Variants in TSHZ2 observed in about 807,000 individuals in gnomAD.
TSHZ2 encodes the protein teashirt zinc finger homeobox 2, also known as teashirt homolog 2.
TSHZ2 carries 21 observed loss-of-function variants against 74.4 expected under a neutral mutation model. That is an observed-to-expected ratio of 0.28 (90% CI 0.20 to 0.41). The LOEUF (loss-of-function observed/expected upper bound fraction) is 0.41, where lower values mean the gene tolerates loss of function less well. Among genes scored for constraint, TSHZ2 ranks in the 10% least tolerant of loss-of-function variants. TSHZ2 has a pLI of 1.00. For synonymous variants in TSHZ2, 540 were observed against 515.3 expected (o/e 1.05, Z -0.65); for missense variants, 1,244 against 1,293.5 (o/e 0.96, Z 0.59).
intron 2 of TSHZ2, among the ~76,000 whole-genome samples, chr20:53,296,302 A>G (rs1433594309): frequency 6.6e-6 from 1 of 152,208 alleles, no homozygotes; most frequent in East Asian, 1.9e-4. Flanking sequence ...AAAAGACCAG[A>G]TGTCAGTGTT....
chr20:53,446,555 G>A (rs1306227309), intron 2 of TSHZ2, among the ~76,000 whole-genome samples: 4 of 148,492 alleles, frequency 2.7e-5, no homozygotes, highest in Admixed American at 6.7e-5. Context: ...CTCCAGTCTG[G>A]GTGACAGAGC....
At chr20:53,175,064 G>T (rs1988296102) in intron 1 of TSHZ2, among the ~76,000 whole-genome samples, 1 of 150,566 alleles carries the variant, frequency 6.6e-6, no homozygotes, top group Admixed American at 6.6e-5. Context: ...GGCAGCAAGA[G>T]GATGATTCCT....
intron 1 of TSHZ2, among the ~76,000 whole-genome samples, chr20:53,069,450 GA>G (rs1434191924): frequency 6.6e-6 from 1 of 151,534 alleles, no homozygotes; most frequent in Non-Finnish European, 1.5e-5. Flanking sequence ...CTTCCTTCCT[GA>G]AAGAAAAAAA....
At chr20:53,062,193 T>C (rs867632584) in intron 1 of TSHZ2, among the ~76,000 whole-genome samples, 3 of 152,298 alleles carry the variant, frequency 2.0e-5, no homozygotes, top group East Asian at 3.9e-4. Flanking sequence ...TGTCATCTCA[T>C]CTGTAAAATG....
chr20:53,355,431 T>C (rs903411460), intron 2 of TSHZ2, among the ~76,000 whole-genome samples: 3 of 152,196 alleles, frequency 2.0e-5, no homozygotes, highest in Admixed American at 6.5e-5. Context: ...GAGCAATTAA[T>C]AAAAGATGAA....
intron 1 of TSHZ2, among the ~76,000 whole-genome samples, chr20:53,106,777 A>C (rs1219435653): frequency 6.8e-6 from 1 of 146,484 alleles, no homozygotes; most frequent in Non-Finnish European, 1.5e-5. Context: ...GGCTCAATGC[A>C]ACCTCCACCT....
intron 1 of TSHZ2, among the ~76,000 whole-genome samples, chr20:53,093,936 G>T (rs537697894): frequency 6.6e-6 from 1 of 150,980 alleles, no homozygotes; most frequent in African/African-American, 2.4e-5. Context: ...CCTTATCTAG[G>T]TACCACTTTT....
intron 2 of TSHZ2, among the ~76,000 whole-genome samples, chr20:53,423,751 G>A (rs1235493655): frequency 6.6e-6 from 1 of 152,202 alleles, no homozygotes; most frequent in Non-Finnish European, 1.5e-5. Flanking sequence ...TTTGACTGGC[G>A]AGGCAACTGA....
At chr20:53,343,168 T>C (rs1302495695) in intron 2 of TSHZ2, among the ~76,000 whole-genome samples, 1 of 151,844 alleles carries the variant, frequency 6.6e-6, no homozygotes, top group African/African-American at 2.4e-5. Context: ...GGTTTCACTT[T>C]CCTGGCCAGG....
At chr20:53,239,376 G>C (rs1340046771) in intron 1 of TSHZ2, among the ~76,000 whole-genome samples, 1 of 152,250 alleles carries the variant, frequency 6.6e-6, no homozygotes, top group East Asian at 1.9e-4. Flanking sequence ...CTATGTGCAA[G>C]ATCTTATGTA....
rs896682530 is a variant in TSHZ2 at position 53,234,082 on chromosome 20, C to T, written c.41-19417C>T. On this transcript the variant is annotated intron_variant, in intron 1 of 2. Transcript: ENST00000371497. Reference sequence around the variant, plus strand: ...TTAAGAAGCATCTCTGCCTTTACTGCAAGTATTTCTGTATTTCTACCCTTA... The same window carrying T: ...TTAAGAAGCATCTCTGCCTTTACTGTAAGTATTTCTGTATTTCTACCCTTA... Among the ~76,000 whole-genome samples the T allele has an allele frequency of 4.6e-5, 7 of 152,264 alleles. No individual in the cohort carries two copies. In the East Asian group the frequency reaches 9.6e-4, roughly 21 times the overall value.
intron 2 of TSHZ2, among the ~76,000 whole-genome samples, chr20:53,450,709 A>G (rs1445044649): frequency 6.6e-6 from 1 of 152,030 alleles, no homozygotes; most frequent in Non-Finnish European, 1.5e-5. Flanking sequence ...TTGTTTTGAG[A>G]CAAGGTCTCC....
intron 2 of TSHZ2, among the ~76,000 whole-genome samples, chr20:53,265,993 C>G (rs1377176058): frequency 6.6e-6 from 1 of 152,160 alleles, no homozygotes; most frequent in Middle Eastern, 3.2e-3. Context: ...AGCTCCCTGC[C>G]CTTGGGAAGC....
At chr20:53,238,373 G>A (rs1245706281) in intron 1 of TSHZ2, among the ~76,000 whole-genome samples, 1 of 152,058 alleles carries the variant, frequency 6.6e-6, no homozygotes, top group Non-Finnish European at 1.5e-5. Flanking sequence ...GAGGACCAAG[G>A]GGGCAGAATC....
At chr20:53,423,175 GA>G (rs1364071072) in intron 2 of TSHZ2, among the ~76,000 whole-genome samples, 1 of 152,138 alleles carries the variant, frequency 6.6e-6, no homozygotes, top group Admixed American at 6.5e-5. Flanking sequence ...AAGGCAGGCG[GA>G]TATCTTGAGG....
rs116312657 is a variant in TSHZ2, at chr20:53,159,019, A to G, written c.41-94480A>G. The stretch of plus-strand genomic sequence containing the variant: ...AAAATTAGCAGAACTGACGACAGAT[A>G]GAAAGTAAACATGAAAACAAATACG... On this transcript the variant is annotated intron_variant, in intron 1 of 2. Transcript: ENST00000371497. Among the ~76,000 whole-genome samples the G allele has an allele frequency of 3.5e-3, 538 of 152,388 alleles. 5 individuals carry two copies. The highest frequency in any genetic ancestry group is 0.013 in the African/African-American group (524 of 41,604).
chr20:53,354,999 A>G (rs1378704666), intron 2 of TSHZ2, among the ~76,000 whole-genome samples: 1 of 152,092 alleles, frequency 6.6e-6, no homozygotes, highest in East Asian at 1.9e-4. Context: ...TTATTTAGTC[A>G]TTATATGGAT....
chr20:53,396,847 G>GA (rs3042187), intron 2 of TSHZ2, among the ~76,000 whole-genome samples: 35,837 of 116,430 alleles, frequency 0.31, 5,117 homozygotes, highest in South Asian at 0.42. Context: ...GCAATACCCT[G>GA]AAAAAAAAAA....
intron 1 of TSHZ2, among the ~76,000 whole-genome samples, chr20:53,033,144 T>C (rs1983697878): frequency 6.6e-6 from 1 of 152,170 alleles, no homozygotes; most frequent in East Asian, 1.9e-4. Context: ...TCACAGCTGG[T>C]ATTATTTTTT....
Sources: allele counts gnomAD v4.1 joint callset (sites outside exome capture counted in the v4.1 genomes callset), GRCh38; gene constraint gnomAD v4.1.1; transcripts MANE v1.5; gene names NCBI Gene and HGNC (gene_info 2026-07-23, HGNC 2026-07-21).